Variants in GK5 observed in about 807,000 individuals in gnomAD.
The protein encoded by GK5 is glycerol kinase 5, also known as ATP:glycerol 3-phosphotransferase 5.
GK5 carries 39 observed loss-of-function variants against 77.3 expected under a neutral mutation model. The observed-to-expected ratio is 0.50, with a 90% CI of 0.39 to 0.66. GK5 has a LOEUF of 0.66. GK5 is among the 30% of genes least tolerant of loss of function. The pLI, the probability that GK5 is intolerant of heterozygous loss-of-function variation, is 0.00. For synonymous variants in GK5, 211 were observed against 208.0 expected, an observed-to-expected ratio of 1.01 and a Z score of -0.13; for missense variants, 487 against 633.8, an observed-to-expected ratio of 0.77 and a Z score of 2.49.
chr3:142,199,877 G>C (rs774755956), intron 4 of GK5, among the ~76,000 whole-genome samples: 32 of 151,850 alleles, frequency 2.1e-4, no homozygotes, highest in Non-Finnish European at 2.2e-4. Context: ...CCCACTTCTT[G>C]TTGAACTTAC....
chr3:142,204,262 C>T, intron 4 of GK5: 1 of 232,040 alleles, frequency 4.3e-6, no homozygotes, highest in South Asian at 5.8e-5. Flanking sequence ...AAGCAATCCC[C>T]CTGCCTCAGC....
In GK5 at chr3:142,165,710, G is replaced by A; in HGVS notation, c.1502C>T (p.Pro501Leu). Residue 501 changes from proline (P) to leucine (L), a missense_variant, in exon 16 of 16, where the codon CCA (proline) becomes CTA (leucine). This residue lies in a region of GK5 where 65 missense variants were observed against 89.9 expected (regional missense o/e 0.72). Transcript: ENST00000392993. ...KLRQSEVVFK[P>L]QKKCQEYEMS... ...TTCATATTCTTGACATTTCTTCTGTGGCTTGAAAACCACTTCACTTTGTCT... is the reference window on the plus strand; with the variant it reads ...TTCATATTCTTGACATTTCTTCTGTAGCTTGAAAACCACTTCACTTTGTCT... The A allele has an allele frequency of 6.2e-7, 1 of 1,612,494 alleles. No homozygotes were observed. The highest frequency in any genetic ancestry group is 2.2e-5 in the East Asian group (1 of 44,788).
At chr3:142,206,348 G>A (rs143328762) in intron 3 of GK5, among the ~76,000 whole-genome samples, 3 of 152,224 alleles carry the variant, frequency 2.0e-5, no homozygotes, top group South Asian at 4.1e-4. Flanking sequence ...ACTGTTTTCC[G>A]CAGTCGTTGC....
rs139347989 is a variant in GK5 at position 142,190,987 on chromosome 3, A to G, written c.544-3208T>C. On this transcript the variant is annotated intron_variant, in intron 5 of 15. Coordinates refer to ENST00000392993, the MANE Select transcript of GK5 (RefSeq NM_001039547.3). ...GTGAATTCAGTAACATTACTGGATTAAAGGTCAATTCACAAAAAGTAACTA... is the reference window on the plus strand; with the variant it reads ...GTGAATTCAGTAACATTACTGGATTGAAGGTCAATTCACAAAAAGTAACTA... Among the ~76,000 whole-genome samples the G allele has an allele frequency of 3.9e-3, 601 of 152,366 alleles. 4 individuals are homozygous for G. The highest frequency in any genetic ancestry group is 0.014 in the African/African-American group (568 of 41,584).
At chr3:142,170,189 T>C (rs779369533) in intron 15 of GK5, 136 bp downstream of exon 15, 8 of 873,782 alleles carry the variant, frequency 9.2e-6, no homozygotes, top group Middle Eastern at 2.2e-4. Flanking sequence ...TTGTGAGTAA[T>C]ATGCATATGT....
chr3:142,192,130 A>T (rs186812405), intron 5 of GK5, among the ~76,000 whole-genome samples: 180 of 152,350 alleles, frequency 1.2e-3, no homozygotes, highest in African/African-American at 3.9e-3. Context: ...CAAACAATGA[A>T]TATTACTACA....
chr3:142,171,568 TTTTA>T (rs1357459314), intron 13 of GK5, 90 bp from the exon 14 acceptor site: 64 of 879,818 alleles, frequency 7.3e-5, no homozygotes, highest in Middle Eastern at 4.0e-4. Context: ...CAAACTATAG[TTTTA>T]TTTATTTGAT....
chr3:142,165,811 A>G (rs2063467983), intron 15 of GK5, 41 bp from the exon 16 acceptor site: 3 of 1,432,412 alleles, frequency 2.1e-6, no homozygotes, highest in Non-Finnish European at 2.8e-6. Flanking sequence ...AAGGCAAATC[A>G]TGAGTCCAAT....
In GK5 at chr3:142,159,752, A is replaced by G. The variant is rs1237430220; in HGVS notation, c.*5870T>C. 6.6e-6 allele frequency: 1 copy of G among 152,086 alleles called. No individual in the cohort carries two copies. 9.4% of individuals were successfully genotyped at this position (152,086 alleles called of 1,614,324 possible). Reference sequence around the variant, plus strand: ...ACCCATTTTGACTGGTTCGAACCAGAAGACCTGGCTTTGGGTTTACAATAA... The same window carrying G: ...ACCCATTTTGACTGGTTCGAACCAGGAGACCTGGCTTTGGGTTTACAATAA... On this transcript the variant is annotated 3_prime_UTR_variant, in exon 16 of 16. Transcript: ENST00000392993.
intron 1 of GK5, among the ~76,000 whole-genome samples, chr3:142,217,203 GAC>G (rs539804163): frequency 5.5e-4 from 83 of 152,284 alleles, no homozygotes; most frequent in Admixed American, 1.4e-3. Flanking sequence ...CAAATGGAAA[GAC>G]AGTCTCAGCA....
intron 9 of GK5, chr3:142,185,144 G>A (rs1033774490): frequency 5.2e-5 from 51 of 983,610 alleles, no homozygotes; most frequent in Non-Finnish European, 5.8e-5. Flanking sequence ...TTGGCACAGT[G>A]ACTCATGCCT....
intron 5 of GK5, among the ~76,000 whole-genome samples, chr3:142,198,021 CAA>C (rs1228082453): frequency 2.0e-4 from 17 of 85,438 alleles, no homozygotes; most frequent in Admixed American, 2.6e-4. Context: ...GACTCTGTCT[CAA>C]AAAAAAAAAA....
At chr3:142,218,323 A>T (rs1297000462) in intron 1 of GK5, among the ~76,000 whole-genome samples, 1 of 150,192 alleles carries the variant, frequency 6.7e-6, no homozygotes, top group South Asian at 2.1e-4. Flanking sequence ...GTCTGAGCTC[A>T]GGAGTTCACA....
intron 5 of GK5, among the ~76,000 whole-genome samples, chr3:142,193,939 C>T (rs1050174295): frequency 3.3e-5 from 5 of 151,964 alleles, no homozygotes; most frequent in Admixed American, 6.6e-5. Flanking sequence ...CGGGGTTTCA[C>T]CATGTTGGCC....
rs372840319 is a variant in GK5, at chr3:142,164,496, G to A, written c.*1126C>T. ...CCTCCTCACTGTTTCTTCCAAGAAA[G>A]TCTAAGCATGTGAAACTGTCCTTGT... On this transcript the variant is annotated 3_prime_UTR_variant, in exon 16 of 16. Transcript: ENST00000392993. The A allele has an allele frequency of 6.7e-4, 102 of 152,368 alleles. 1 individual carries two copies. In the South Asian group the frequency reaches 0.02, roughly 31 times the overall value. 9.4% of individuals were successfully genotyped at this position (152,368 alleles called of 1,614,324 possible).
At chr3:142,205,020 G>A (rs1374697977) in intron 3 of GK5, among the ~76,000 whole-genome samples, 2 of 151,866 alleles carry the variant, frequency 1.3e-5, no homozygotes, top group Non-Finnish European at 2.9e-5. Flanking sequence ...AACTAACTAA[G>A]GAAAAGGCCT....
intron 9 of GK5, chr3:142,185,448 TC>T: frequency 1.0e-6 from 1 of 967,444 alleles, no homozygotes; most frequent in East Asian, 1.1e-4. Flanking sequence ...GGCAAATATT[TC>T]ATTATTCTAC....
intron 14 of GK5, 28 bp downstream of exon 14, chr3:142,171,391 A>C (rs2063535315): frequency 1.4e-6 from 2 of 1,442,702 alleles, no homozygotes; most frequent in African/African-American, 2.9e-5. Flanking sequence ...ATTTCTAATT[A>C]AGTCTATTAG....
intron 12 of GK5, among the ~76,000 whole-genome samples, chr3:142,173,600 C>T (rs1041301181): frequency 7.9e-5 from 12 of 152,134 alleles, no homozygotes; most frequent in African/African-American, 2.7e-4. Flanking sequence ...AGGAGAATGG[C>T]GTGAACCCGG....
Sources: gnomAD v4.1 joint callset for allele counts (sites outside exome capture counted in the v4.1 genomes callset) on GRCh38, gnomAD v4.1.1 for gene constraint, gnomAD v4.1.1 regional missense constraint, MANE v1.5 for transcripts, NCBI Gene and HGNC (gene_info 2026-07-23, HGNC 2026-07-21) for gene names.